The following MROH7 variants were observed in gnomAD, a reference collection of about 807,000 sequenced individuals.
The protein encoded by MROH7 is maestro heat-like repeat-containing protein family member 7.
In MROH7, 113 loss-of-function variants were observed where a neutral mutation model predicts 129.2. The observed-to-expected ratio is 0.87, with a 90% CI of 0.75 to 1.02. MROH7 has a LOEUF of 1.02. Ranked by LOEUF, MROH7 falls within the 50% of genes least tolerant of loss-of-function variation. MROH7 has a pLI of 0.00. For synonymous variants in MROH7, 655 were observed against 667.9 expected (o/e 0.98, Z 0.30); for missense variants, 1,601 against 1,671.3 (o/e 0.96, Z 0.73).
Position 54,702,772 on chromosome 1 carries a change from T to C in MROH7, c.3564+27T>C, listed in dbSNP as rs756431203. On this transcript the variant is annotated intron_variant, in intron 21 of 23. Coordinates refer to ENST00000421030, the MANE Select transcript of MROH7 (RefSeq NM_001039464.4). ...TGAGTGCTCCCAGAGAGTAGAGTGGTTCCTTACAAGCATGTTGGAGGTGGC... is the reference window on the plus strand; with the variant it reads ...TGAGTGCTCCCAGAGAGTAGAGTGGCTCCTTACAAGCATGTTGGAGGTGGC... The C allele has an allele frequency of 2.5e-6, 4 of 1,593,796 alleles. No homozygotes were observed. The African/African-American group carries it at 5.4e-5, about 21-fold the overall frequency.
intron 3 of MROH7, among the ~76,000 whole-genome samples, chr1:54,662,327 G>A (rs1557697838): frequency 6.6e-6 from 1 of 152,102 alleles, no homozygotes; most frequent in Non-Finnish European, 1.5e-5. Context: ...TTTGAAGCCA[G>A]CAGTTCAAGA....
intron 17 of MROH7, chr1:54,697,515 G>C (rs1274907582): frequency 7.1e-6 from 4 of 560,944 alleles, no homozygotes; most frequent in Non-Finnish European, 1.3e-5. Flanking sequence ...TCCAGCCCCA[G>C]CTCCATCCAG....
intron 8 of MROH7, 106 bp downstream of exon 8, chr1:54,673,292 G>A: frequency 1.2e-6 from 1 of 813,364 alleles, no homozygotes; most frequent in Non-Finnish European, 2.0e-6. Context: ...TTTGGCTTCA[G>A]GATGTCATCT....
rs1329341840 is a variant in MROH7, at chr1:54,710,073, C to T, written c.3858C>T (p.Tyr1286=). Reference sequence around the variant, plus strand: ...CGCACGGGAACTCATGGGTGTGTTACTCAGCCACCACCCACCGCTGGAGCC... The same window carrying T: ...CGCACGGGAACTCATGGGTGTGTTATTCAGCCACCACCCACCGCTGGAGCC... The part of the protein sequence containing the change: ...WLPHGNSWVC[Y]SATTHRWSPS... Residue 1286 remains tyrosine, a synonymous_variant, in exon 24 of 24, where the codon TAC becomes TAT. Coordinates refer to ENST00000421030, the MANE Select transcript of MROH7 (RefSeq NM_001039464.4). The T allele has an allele frequency of 1.2e-6, 2 of 1,613,990 alleles. No homozygotes were observed. The highest frequency in any genetic ancestry group is 1.7e-6 in the Non-Finnish European group (2 of 1,180,024).
At chr1:54,704,271 G>T (rs1019737409) in intron 21 of MROH7, among the ~76,000 whole-genome samples, 1 of 152,088 alleles carries the variant, frequency 6.6e-6, no homozygotes, top group African/African-American at 2.4e-5. Context: ...ACAGTGGCCA[G>T]TGACCAGGCA....
intron 14 of MROH7, among the ~76,000 whole-genome samples, chr1:54,685,006 T>G (rs1364112286): frequency 6.6e-6 from 1 of 152,092 alleles, no homozygotes; most frequent in South Asian, 2.1e-4. Context: ...ATGGAGTCTT[T>G]TTTTTTCTCT....
intron 21 of MROH7, 64 bp downstream of exon 21, chr1:54,702,809 C>A: frequency 1.3e-6 from 2 of 1,520,282 alleles, no homozygotes; most frequent in South Asian, 2.5e-5. Flanking sequence ...AATTCTGTGT[C>A]TCTCTCTTCC....
intron 23 of MROH7, 72 bp from the exon 24 acceptor site, chr1:54,709,874 G>A: frequency 1.9e-6 from 3 of 1,550,892 alleles, no homozygotes; most frequent in East Asian, 2.3e-5. Context: ...ATGGAGATGG[G>A]AAGGATTAGG....
chr1:54,692,247 T>G (rs1379028953), intron 15 of MROH7, among the ~76,000 whole-genome samples, 177 bp from the exon 16 acceptor site: 1 of 152,214 alleles, frequency 6.6e-6, no homozygotes, highest in Admixed American at 6.5e-5. Flanking sequence ...CCTCTCTTGT[T>G]CTAAAAGCTA....
At chr1:54,668,199 G>A (rs562909266) in intron 4 of MROH7, among the ~76,000 whole-genome samples, 1 of 152,268 alleles carries the variant, frequency 6.6e-6, no homozygotes, top group Non-Finnish European at 1.5e-5. Context: ...CCAGGAACTG[G>A]CCCAGCATCA....
chr1:54,647,512 G>A (rs1644485067), intron 1 of MROH7, among the ~76,000 whole-genome samples: 1 of 152,110 alleles, frequency 6.6e-6, no homozygotes, highest in African/African-American at 2.4e-5. Flanking sequence ...GGCCAAGGTG[G>A]GTGGATCACC....
Position 54,710,113 on chromosome 1 carries a change from C to A in MROH7, c.3898C>A (p.Leu1300Met). ...THRWSPSCENLPTSHQRRSWI... is the reference protein window; with the variant it reads ...THRWSPSCENMPTSHQRRSWI... ...CCGCTGGAGCCCCAGCTGTGAGAACCTGCCCACTTCCCACCAGCGGCGCTC... is the reference window on the plus strand; with the variant it reads ...CCGCTGGAGCCCCAGCTGTGAGAACATGCCCACTTCCCACCAGCGGCGCTC... Residue 1300 changes from leucine to methionine, a missense_variant, in exon 24 of 24, where the codon CTG (leucine) becomes ATG (methionine). Coordinates refer to ENST00000421030, the MANE Select transcript of MROH7 (RefSeq NM_001039464.4). 6.2e-7 allele frequency: 1 copy of A among 1,614,020 alleles called. No homozygotes were observed.
chr1:54,697,067 C>A, intron 17 of MROH7: 1 of 152,246 alleles, frequency 6.6e-6, no homozygotes, highest in Non-Finnish European at 1.5e-5. Flanking sequence ...ATCGTAAAAC[C>A]CACTCTTTTA....
At chr1:54,689,624 AAGGAGG>A (rs1239573285) in intron 15 of MROH7, among the ~76,000 whole-genome samples, 1 of 152,160 alleles carries the variant, frequency 6.6e-6, no homozygotes, top group South Asian at 2.1e-4. Flanking sequence ...CTTGGGTTTG[AAGGAGG>A]AGGAGGGAGT....
rs17110934 is a variant in MROH7 at position 54,680,779 on chromosome 1, G to C, written c.2381+734G>C. On this transcript the variant is annotated intron_variant, in intron 13 of 23. Transcript: ENST00000421030. The stretch of plus-strand genomic sequence containing the variant: ...TCCACACCTTCGGGTGGTTGTTTGA[G>C]AGCCAAAGAACTGTGCAGAGCTGTG... 8.2e-3 allele frequency among the ~76,000 whole-genome samples: 1,244 copies of C among 152,328 alleles called. 19 individuals are homozygous for C. The highest frequency in any genetic ancestry group is 0.029 in the African/African-American group (1,187 of 41,580).
At chr1:54,692,864 A>T (rs1467053934) in intron 16 of MROH7, among the ~76,000 whole-genome samples, 1 of 152,150 alleles carries the variant, frequency 6.6e-6, no homozygotes, top group African/African-American at 2.4e-5. Context: ...TGGTATAACC[A>T]AGTTGTTGAG....
chr1:54,659,973 G>C (rs1644708460), intron 3 of MROH7, among the ~76,000 whole-genome samples: 1 of 152,184 alleles, frequency 6.6e-6, no homozygotes, highest in Non-Finnish European at 1.5e-5. Flanking sequence ...TGTTGACCAT[G>C]ACTTTTGGTG....
Position 54,695,488 on chromosome 1 carries a change from G to T in MROH7, c.2962G>T (p.Glu988Ter), listed in dbSNP as rs1557723906. ...GATCACGGCCACCGCCTTCTTCGTG[G>T]AGGTACCAACGGGGGCAGCGGGTAC... is the stretch of plus-strand genomic sequence containing the variant. ...HRITATAFFV[E>*]LLQMEQVRRI... is the part of the protein sequence containing the mutation. The change falls in exon 17 of 24, where the codon GAG becomes TAG. Residue 988 changes from glutamate to a stop codon, truncating the protein, a stop_gained and splice_region_variant. Transcript: ENST00000421030. LOFTEE classifies it high-confidence loss of function. The T allele has an allele frequency of 1.9e-6, 3 of 1,611,376 alleles. No homozygotes were observed. Among genetic ancestry groups the T allele is most frequent in the Admixed American group, 1.7e-5 (1 of 59,894 alleles).
chr1:54,686,541 A>G (rs902608018), intron 15 of MROH7, 93 bp downstream of exon 15: 5 of 1,149,640 alleles, frequency 4.3e-6, no homozygotes, highest in African/African-American at 3.1e-5. Context: ...GCAATCAATC[A>G]ATAGAAATCA....
Sources: allele counts gnomAD v4.1 joint callset (sites outside exome capture counted in the v4.1 genomes callset), GRCh38; gene constraint gnomAD v4.1.1; transcripts MANE v1.5; gene names NCBI Gene and HGNC (gene_info 2026-07-23, HGNC 2026-07-21).